Variants in CCDC102B observed in about 807,000 individuals in gnomAD.
The protein encoded by CCDC102B is coiled-coil domain-containing protein 102B.
Under a neutral mutation model 57.4 loss-of-function variants are expected in CCDC102B, and 75 were observed. The ratio of observed to expected loss-of-function variants is 1.31; its 90% CI spans 1.08 to 1.58. The LOEUF is 1.58. Ranked by LOEUF, CCDC102B falls within the 40% of genes most tolerant of loss-of-function variation. The pLI is 0.00. For missense variants in CCDC102B, 636 were observed against 582.6 expected, an observed-to-expected ratio of 1.09 and a Z score of -0.94; for synonymous variants, 206 against 201.9, an observed-to-expected ratio of 1.02 and a Z score of -0.17.
At chr18:68,852,258 TCTTTTAC>T (rs1250539316) in intron 4 of CCDC102B, among the ~76,000 whole-genome samples, 1 of 152,158 alleles carries the variant, frequency 6.6e-6, no homozygotes, top group Non-Finnish European at 1.5e-5. Flanking sequence ...TTTTTTTTCT[TCTTTTAC>T]TAGGTTTATT....
chr18:68,828,758 A>G (rs1330224293), intron 1 of CCDC102B, among the ~76,000 whole-genome samples: 2 of 151,534 alleles, frequency 1.3e-5, no homozygotes, highest in Non-Finnish European at 3.0e-5. Context: ...AAATATTTAA[A>G]TTGTTATTTC....
At chr18:68,765,664 C>A (rs907249092) in intron 2 of CCDC102B, among the ~76,000 whole-genome samples, 1 of 152,042 alleles carries the variant, frequency 6.6e-6, no homozygotes, top group African/African-American at 2.4e-5. Flanking sequence ...TTAGCAAGAA[C>A]AAAAATTAAT....
intron 1 of CCDC102B, among the ~76,000 whole-genome samples, chr18:68,799,349 T>G (rs556861231): frequency 6.6e-6 from 1 of 152,246 alleles, no homozygotes; most frequent in Non-Finnish European, 1.5e-5. Context: ...CATAGATAAT[T>G]TCATTGTCTC....
chr18:69,053,302 A>AAT, intron 7 of CCDC102B, among the ~76,000 whole-genome samples: 1 of 148,016 alleles, frequency 6.8e-6, no homozygotes, highest in South Asian at 2.1e-4. Flanking sequence ...CATTTTCAAT[A>AAT]ATATATATAA....
At chr18:69,019,692 T>C (rs1878931692) in intron 7 of CCDC102B, among the ~76,000 whole-genome samples, 1 of 152,112 alleles carries the variant, frequency 6.6e-6, no homozygotes, top group South Asian at 2.1e-4. Context: ...CTTACTTCTT[T>C]TCCAATTTAG....
At chr18:68,835,609 C>T (rs1477226516) in intron 1 of CCDC102B, among the ~76,000 whole-genome samples, 2 of 152,098 alleles carry the variant, frequency 1.3e-5, no homozygotes, top group African/African-American at 4.8e-5. Context: ...CTGAAAATAA[C>T]AGAAAACTCA....
At chr18:68,949,971 C>T (rs2145193367) in intron 6 of CCDC102B, among the ~76,000 whole-genome samples, 1 of 152,136 alleles carries the variant, frequency 6.6e-6, no homozygotes, top group Non-Finnish European at 1.5e-5. Flanking sequence ...GAGATATCAC[C>T]AACCAGAATA....
chr18:68,964,430 C>A (rs35708236), intron 6 of CCDC102B, among the ~76,000 whole-genome samples: 46,076 of 146,276 alleles, frequency 0.31, 7,931 homozygotes, highest in Non-Finnish European at 0.4. Flanking sequence ...AACTCTATTT[C>A]TTTGGATGAA....
At chr18:68,723,048 G>A (rs368383331) in intron 2 of CCDC102B, among the ~76,000 whole-genome samples, 124 of 152,162 alleles carry the variant, frequency 8.1e-4, no homozygotes, top group African/African-American at 2.8e-3. Flanking sequence ...GTTCCTCATG[G>A]CTGGGGAGGC....
At chr18:68,760,925 G>A (rs1252735158) in intron 2 of CCDC102B, among the ~76,000 whole-genome samples, 1 of 151,970 alleles carries the variant, frequency 6.6e-6, no homozygotes, top group East Asian at 1.9e-4. Flanking sequence ...AGCCTCTTAA[G>A]TTTATTAAGA....
intron 4 of CCDC102B, among the ~76,000 whole-genome samples, chr18:68,873,720 A>G (rs2039323711): frequency 6.6e-6 from 1 of 152,026 alleles, no homozygotes; most frequent in Non-Finnish European, 1.5e-5. Flanking sequence ...TATGAGTACT[A>G]CTTTTGTATT....
At chr18:69,019,693 T>C (rs1599857761) in intron 7 of CCDC102B, among the ~76,000 whole-genome samples, 1 of 152,224 alleles carries the variant, frequency 6.6e-6, no homozygotes, top group East Asian at 1.9e-4. Flanking sequence ...TTACTTCTTT[T>C]CCAATTTAGA....
intron 6 of CCDC102B, among the ~76,000 whole-genome samples, chr18:68,995,366 T>C (rs183530245): frequency 1.3e-5 from 2 of 152,150 alleles, no homozygotes; most frequent in Non-Finnish European, 2.9e-5. Context: ...CTCCAGGGCA[T>C]GTCAGAGACC....
chr18:68,897,264 G>A lies in CCDC102B; in HGVS notation c.1099G>A (p.Glu367Lys). The stretch of plus-strand genomic sequence containing the variant: ...AAATACCTCGGAGTGGGACAAGAGG[G>A]AAATACTTGAAAGAGAAAAGCAGGG... ...AENTSEWDKR[E>K]ILEREKQGLE... The change falls in exon 6 of 8, where the codon GAA becomes AAA. Residue 367 changes from glutamate to lysine, a missense_variant. Transcript: ENST00000360242. 4 of 1,613,076 alleles carry A rather than the reference G, an allele frequency of 2.5e-6. No individual in the cohort carries two copies. The highest frequency in any genetic ancestry group is 3.4e-6 in the Non-Finnish European group (4 of 1,179,266).
chr18:68,761,947 T>A (rs2034267460), intron 2 of CCDC102B, among the ~76,000 whole-genome samples: 1 of 152,172 alleles, frequency 6.6e-6, no homozygotes, highest in Non-Finnish European at 1.5e-5. Flanking sequence ...TTCTTCATTT[T>A]AAAAATCTTG....
chr18:68,746,960 A>G (rs1217578439), intron 2 of CCDC102B, among the ~76,000 whole-genome samples: 2 of 152,042 alleles, frequency 1.3e-5, no homozygotes, highest in East Asian at 1.9e-4. Flanking sequence ...TTGACACATC[A>G]TAACTATACA....
chr18:68,817,735 G>T (rs1364332947), intron 1 of CCDC102B, among the ~76,000 whole-genome samples: 2 of 152,122 alleles, frequency 1.3e-5, no homozygotes. Context: ...TAGGAAAATT[G>T]ATTACTCGGT....
At chr18:68,800,182 A>T (rs996069118) in intron 1 of CCDC102B, among the ~76,000 whole-genome samples, 5 of 152,198 alleles carry the variant, frequency 3.3e-5, no homozygotes, top group African/African-American at 1.2e-4. Context: ...GCTTAAAGCC[A>T]CAGATAAAGA....
intron 6 of CCDC102B, among the ~76,000 whole-genome samples, chr18:68,961,947 G>C (rs565156258): frequency 6.6e-6 from 1 of 152,052 alleles, no homozygotes; most frequent in South Asian, 2.1e-4. Context: ...TAGGATCTCT[G>C]AACATTTTAC....
Sources: gnomAD v4.1 joint callset for allele counts (sites outside exome capture counted in the v4.1 genomes callset) on GRCh38, gnomAD v4.1.1 for gene constraint, MANE v1.5 for transcripts, NCBI Gene and HGNC (gene_info 2026-07-23, HGNC 2026-07-21) for gene names.